PIK3C2G: variants seen among roughly 807,000 people sequenced by gnomAD.
PIK3C2G encodes phosphatidylinositol-4-phosphate 3-kinase catalytic subunit type 2 gamma.
A neutral mutation model predicts 181.1 loss-of-function variants in PIK3C2G; 168 were observed. That is an observed-to-expected ratio of 0.93 (90% CI 0.82 to 1.05). The LOEUF is 1.05. PIK3C2G is among the 50% of genes least tolerant of loss of function. PIK3C2G has a pLI of 0.00. For synonymous variants in PIK3C2G, 573 were observed against 592.2 expected (o/e 0.97, Z 0.47); for missense variants, 1,869 against 1,732.8 (o/e 1.08, Z -1.40).
rs184116072 is a variant in PIK3C2G, at chr12:18,563,623, C to A, written c.3902+125C>A. ...TATTCTGACTCCAATGCCATTGAAT[C>A]TATCCCAGCAGAGAGTCTGAATTGC... On this transcript the variant is annotated intron_variant, in intron 28 of 32. Transcript: ENST00000538779. 1.6e-4 allele frequency: 129 copies of A among 810,804 alleles called. No individual in the cohort carries two copies. The African/African-American group carries it at 2.0e-3, about 13-fold the overall frequency. 50.2% of individuals were successfully genotyped at this position (810,804 alleles called of 1,614,324 possible).
At chr12:18,313,620 T>A (rs112577802) in intron 5 of PIK3C2G, among the ~76,000 whole-genome samples, 1,702 of 152,158 alleles carry the variant, frequency 0.011, 29 homozygotes, top group African/African-American at 0.039. Flanking sequence ...TAAAACTAAC[T>A]TAGAATATGC....
chr12:18,336,810 A>ATTAATTAG (rs1938585367), intron 8 of PIK3C2G, among the ~76,000 whole-genome samples: 1 of 152,152 alleles, frequency 6.6e-6, no homozygotes, highest in African/African-American at 2.4e-5. Context: ...CTTTTATAGT[A>ATTAATTAG]TTAATTAGTT....
At chr12:18,477,467 A>G (rs1192747319) in intron 18 of PIK3C2G, among the ~76,000 whole-genome samples, 1 of 152,196 alleles carries the variant, frequency 6.6e-6, no homozygotes, top group Non-Finnish European at 1.5e-5. Flanking sequence ...ACAGCATAAC[A>G]TAAGTCAACA....
intron 11 of PIK3C2G, among the ~76,000 whole-genome samples, chr12:18,349,166 C>A (rs1328317511): frequency 6.6e-6 from 1 of 152,156 alleles, no homozygotes; most frequent in East Asian, 1.9e-4. Context: ...TATACCACTA[C>A]TTCTGCCATA....
chr12:18,425,548 C>A (rs544913053), intron 18 of PIK3C2G, among the ~76,000 whole-genome samples: 25 of 151,816 alleles, frequency 1.6e-4, no homozygotes, highest in Non-Finnish European at 2.9e-4. Context: ...CACACCACCA[C>A]GCCTGGCTAA....
chr12:18,503,331 C>T lies in PIK3C2G; in HGVS notation c.3067C>T (p.His1023Tyr), dbSNP rs771773130. Reference sequence around the variant, plus strand: ...TGTGACCCTAGCAAAGATTCATCGCCATTCTGGACTGATAGGACCATTGAA... The same window carrying T: ...TGTGACCCTAGCAAAGATTCATCGCTATTCTGGACTGATAGGACCATTGAA... The part of the protein sequence containing the change: ...DAVTLAKIHR[H>Y]SGLIGPLKEN... The change falls in exon 23 of 33, where the codon CAT becomes TAT. Residue 1023 changes from histidine (H) to tyrosine (Y), a missense_variant. His to Tyr is a moderately conservative substitution (Grantham distance 83). Coordinates refer to ENST00000538779, the MANE Select transcript of PIK3C2G (RefSeq NM_001288772.2). 4.3e-6 allele frequency: 7 copies of T among 1,611,264 alleles called. No homozygotes were observed. The highest frequency in any genetic ancestry group is 1.7e-5 in the Admixed American group (1 of 59,852).
intron 8 of PIK3C2G, among the ~76,000 whole-genome samples, chr12:18,333,966 T>C (rs1389598537): frequency 3.9e-5 from 6 of 152,158 alleles, no homozygotes; most frequent in Non-Finnish European, 8.8e-5. Flanking sequence ...GACAAGGCTG[T>C]TACCCACCTT....
chr12:18,713,094 T>A, the PIK3C2G span: 4 of 1,409,356 alleles, frequency 2.8e-6, no homozygotes, highest in African/African-American at 1.4e-5. Flanking sequence ...AATGCATAAA[T>A]GAGTCCATAA....
chr12:18,614,114 T>A (rs1225778664), intron 31 of PIK3C2G, among the ~76,000 whole-genome samples: 4 of 152,090 alleles, frequency 2.6e-5, no homozygotes, highest in Non-Finnish European at 5.9e-5. Context: ...TAAATGTCAA[T>A]TTTTAAAATA....
the PIK3C2G span, among the ~76,000 whole-genome samples, chr12:18,689,197 G>C: frequency 6.6e-6 from 1 of 152,126 alleles, no homozygotes; most frequent in Admixed American, 6.5e-5. Context: ...TACCACTATA[G>C]ACCCGCTAAA....
At chr12:18,356,861 T>A (rs1387035948) in intron 11 of PIK3C2G, among the ~76,000 whole-genome samples, 2 of 123,542 alleles carry the variant, frequency 1.6e-5, no homozygotes, top group East Asian at 5.6e-4. Context: ...CTGGGGTTTT[T>A]ATGGTTATAG....
At position 18,570,445 on chromosome 12, in the gene PIK3C2G, G is replaced by C. The variant is rs545477733; in HGVS notation, c.4011+3388G>C. Among the ~76,000 whole-genome samples, 72 of 150,178 alleles carry C rather than the reference G, an allele frequency of 4.8e-4. 4 individuals carry two copies. Among genetic ancestry groups the C allele is most frequent in the African/African-American group, 1.8e-3 (70 of 39,986 alleles). On this transcript the variant is annotated intron_variant, in intron 29 of 32. Coordinates refer to ENST00000538779, the MANE Select transcript of PIK3C2G (RefSeq NM_001288772.2). Reference sequence around the variant, plus strand: ...GCTGGTCTTGAACTCCTGACCTCAGGTGATCCACCTGCCTCAGCCTCCCAA... The same window carrying C: ...GCTGGTCTTGAACTCCTGACCTCAGCTGATCCACCTGCCTCAGCCTCCCAA...
At chr12:18,694,175 C>T in the PIK3C2G span, 2 of 670,774 alleles carry the variant, frequency 3.0e-6, no homozygotes, top group Non-Finnish European at 5.2e-6. Context: ...GGGGAGTTGC[C>T]CAGAGGAATC....
At position 18,470,329 on chromosome 12, in the gene PIK3C2G, G is replaced by A. The variant is rs566662408; in HGVS notation, c.2505-18120G>A. 1.2e-4 allele frequency among the ~76,000 whole-genome samples: 19 copies of A among 152,222 alleles called. 1 individual carries two copies. In the South Asian group the frequency reaches 3.9e-3, roughly 32 times the overall value. On this transcript the variant is annotated intron_variant, in intron 18 of 32. Coordinates refer to ENST00000538779, the MANE Select transcript of PIK3C2G (RefSeq NM_001288772.2). ...TCTTCAAGCCAGGATACCAGTTCAAGGTAGGAAGACGCAGGGTCCAGGGTC... is the reference window on the plus strand; with the variant it reads ...TCTTCAAGCCAGGATACCAGTTCAAAGTAGGAAGACGCAGGGTCCAGGGTC...
At chr12:18,479,978 C>G (rs1418242610) in intron 18 of PIK3C2G, among the ~76,000 whole-genome samples, 3 of 152,070 alleles carry the variant, frequency 2.0e-5, no homozygotes, top group Admixed American at 6.5e-5. Context: ...GGAATGTGTT[C>G]AGCTGGAGTG....
At chr12:18,522,283 C>G (rs1202324554) in intron 24 of PIK3C2G, among the ~76,000 whole-genome samples, 1 of 152,220 alleles carries the variant, frequency 6.6e-6, no homozygotes, top group Non-Finnish European at 1.5e-5. Flanking sequence ...GCTTTACACA[C>G]CACCCTTAGA....
intron 5 of PIK3C2G, among the ~76,000 whole-genome samples, chr12:18,295,168 A>G (rs1324912394): frequency 6.6e-6 from 1 of 151,234 alleles, no homozygotes; most frequent in African/African-American, 2.4e-5. Context: ...ATGAAATTAC[A>G]TATGTTTTGT....
chr12:18,501,024 C>G (rs1457067703), intron 22 of PIK3C2G, among the ~76,000 whole-genome samples: 1 of 151,794 alleles, frequency 6.6e-6, no homozygotes, highest in African/African-American at 2.4e-5. Flanking sequence ...AGCGAGACCA[C>G]GAACCCACCA....
the PIK3C2G span, among the ~76,000 whole-genome samples, chr12:18,678,181 A>G: frequency 1.3e-5 from 2 of 151,980 alleles, no homozygotes; most frequent in South Asian, 4.1e-4. Flanking sequence ...GAAGGCTTCT[A>G]TCACCTGATC....
Sources: allele counts gnomAD v4.1 joint callset (sites outside exome capture counted in the v4.1 genomes callset), GRCh38; gene constraint gnomAD v4.1.1; transcripts MANE v1.5; gene names NCBI Gene and HGNC (gene_info 2026-07-23, HGNC 2026-07-21).